Variants in SPTBN1 observed in about 807,000 individuals in gnomAD.
SPTBN1 encodes spectrin beta chain, non-erythrocytic 1.
A neutral mutation model predicts 266.4 loss-of-function variants in SPTBN1; 32 were observed. The ratio of observed to expected loss-of-function variants is 0.12; its 90% CI spans 0.09 to 0.16. The LOEUF (loss-of-function observed/expected upper bound fraction) is 0.16, where lower values mean the gene tolerates loss of function less well. Among genes scored for constraint, SPTBN1 ranks in the 10% least tolerant of loss-of-function variants. The pLI is 1.00. For synonymous variants in SPTBN1, 1,336 were observed against 1,162.2 expected, an observed-to-expected ratio of 1.15 and a Z score of -3.04; for missense variants, 2,296 against 3,067.1, an observed-to-expected ratio of 0.75 and a Z score of 5.94.
chr2:54,635,391 C>A (rs1309639012), intron 17 of SPTBN1, among the ~76,000 whole-genome samples: 1 of 152,204 alleles, frequency 6.6e-6, no homozygotes. Context: ...TCACACCACA[C>A]GAAGGCCGTT....
intron 2 of SPTBN1, among the ~76,000 whole-genome samples, chr2:54,569,975 C>CT (rs932432942): frequency 6.8e-6 from 1 of 147,904 alleles, no homozygotes; most frequent in Non-Finnish European, 1.5e-5. Context: ...AACCATTCCC[C>CT]CCCCCCTTTA....
chr2:54,580,580 T>C (rs1020417504), intron 2 of SPTBN1, among the ~76,000 whole-genome samples: 5 of 150,580 alleles, frequency 3.3e-5, no homozygotes, highest in African/African-American at 1.2e-4. Context: ...CCAAGTGTAT[T>C]CATATTCTCA....
At chr2:54,613,355 A>C (rs1004673502) in intron 4 of SPTBN1, among the ~76,000 whole-genome samples, 1 of 152,262 alleles carries the variant, frequency 6.6e-6, no homozygotes. Context: ...AAAAAGGAAA[A>C]ACGAAAAATC....
chr2:54,508,782 G>A (rs1669710163), intron 1 of SPTBN1, among the ~76,000 whole-genome samples: 1 of 152,226 alleles, frequency 6.6e-6, no homozygotes, highest in Admixed American at 6.5e-5. Context: ...CATAGGCGTT[G>A]TCCAGAGCAA....
rs1679922840 is a variant in SPTBN1, at chr2:54,646,332, G to A, written c.4723G>A (p.Gly1575Ser). 1 of 1,614,042 alleles carries A rather than the reference G, an allele frequency of 6.2e-7. No individual in the cohort carries two copies. Among genetic ancestry groups the A allele is most frequent in the Admixed American group, 1.7e-5 (1 of 60,006 alleles). The change falls in exon 23 of 36, where the codon GGT becomes AGT. Residue 1575 changes from glycine (G) to serine (S), a missense_variant. Around this residue, in one of 12 missense-constraint regions of SPTBN1, gnomAD observed 644 missense variants for 745.3 expected, o/e 0.86. Coordinates refer to ENST00000356805, the MANE Select transcript of SPTBN1 (RefSeq NM_003128.3). The surrounding 1 kb of genome is among the most constrained non-coding windows in gnomAD (Gnocchi z 4.4). The part of the protein sequence containing the change: ...QRLADLKQLW[G>S]LLIEETEKRH... ...GCTTGCCGACCTGAAGCAGCTGTGGGGTCTCCTCATTGAGGAGACAGAGAA... is the reference window on the plus strand; with the variant it reads ...GCTTGCCGACCTGAAGCAGCTGTGGAGTCTCCTCATTGAGGAGACAGAGAA...
chr2:54,545,273 A>G (rs1372134986), intron 2 of SPTBN1: 4 of 152,194 alleles, frequency 2.6e-5, no homozygotes, highest in Non-Finnish European at 5.9e-5. Flanking sequence ...ATGATGTATA[A>G]TCCTTTGAGT....
intron 1 of SPTBN1, among the ~76,000 whole-genome samples, chr2:54,489,235 C>T (rs968426037): frequency 4.7e-5 from 7 of 148,244 alleles, no homozygotes; most frequent in Non-Finnish European, 7.4e-5. Context: ...GCAGGAGGAT[C>T]ACTTGAGCCC....
intron 2 of SPTBN1, among the ~76,000 whole-genome samples, chr2:54,580,365 G>C (rs1418644159): frequency 6.6e-6 from 1 of 152,186 alleles, no homozygotes; most frequent in Admixed American, 6.5e-5. Context: ...GTAATATTTA[G>C]AGGCTTCTGC....
Position 54,668,666 on chromosome 2 carries a change from C to A in SPTBN1, c.*97C>A. The stretch of plus-strand genomic sequence containing the variant: ...CACATTACTCTCTGTGCCTAATGTT[C>A]CTCAATGTGGTTGATTTTTTTTTTT... On this transcript the variant is annotated 3_prime_UTR_variant, in exon 36 of 36. Transcript: ENST00000356805. 5 of 1,168,246 alleles carry A rather than the reference C, an allele frequency of 4.3e-6. No homozygotes were observed. The highest frequency in any genetic ancestry group is 1.2e-6 in the Non-Finnish European group (1 of 837,224). 72.4% of individuals were successfully genotyped at this position (1,168,246 alleles called of 1,614,324 possible).
At chr2:54,543,412 T>C (rs1374954283) in intron 2 of SPTBN1, among the ~76,000 whole-genome samples, 1 of 152,140 alleles carries the variant, frequency 6.6e-6, no homozygotes, top group Non-Finnish European at 1.5e-5. Context: ...TGAGAAATAT[T>C]GCATTCATGC....
At chr2:54,457,112 C>A (rs1355513268) in intron 1 of SPTBN1, 4 of 151,626 alleles carry the variant, frequency 2.6e-5, no homozygotes, top group South Asian at 4.2e-4. Context: ...CCCGCGCCCC[C>A]ACCTCCGCCC....
rs924317968 is a variant in SPTBN1 at position 54,664,373 on chromosome 2, C to G, written c.6421-80C>G. 1 of 1,413,646 alleles carries G rather than the reference C, an allele frequency of 7.1e-7. No individual in the cohort carries two copies. Among genetic ancestry groups the G allele is most frequent in the Non-Finnish European group, 9.8e-7 (1 of 1,021,976 alleles). The allele number at this position is 1,413,646 out of a possible 1,614,324, so 87.6% of individuals were successfully genotyped here. ...TGTGCCAGGCATTTATACACAGCCACATGTGCGAGTCAGGTAGAGCGTATG... is the reference window on the plus strand; with the variant it reads ...TGTGCCAGGCATTTATACACAGCCAGATGTGCGAGTCAGGTAGAGCGTATG... On this transcript the variant is annotated intron_variant, in intron 32 of 35. Coordinates refer to ENST00000356805, the MANE Select transcript of SPTBN1 (RefSeq NM_003128.3). This position sits in a 1 kb window ranked among gnomAD's most constrained non-coding sequence, Gnocchi z 5.6.
intron 1 of SPTBN1, among the ~76,000 whole-genome samples, chr2:54,502,444 A>T (rs760943042): frequency 6.6e-6 from 1 of 152,098 alleles, no homozygotes; most frequent in African/African-American, 2.4e-5. Context: ...TGCTCCTGAC[A>T]TAATTGTCTA....
chr2:54,597,715 A>T lies in SPTBN1; in HGVS notation c.149-1377A>T, dbSNP rs115529573. Among the ~76,000 whole-genome samples, 464 of 152,274 alleles carry T rather than the reference A, an allele frequency of 3.0e-3. 1 individual carries two copies. Among genetic ancestry groups the T allele is most frequent in the Non-Finnish European group, 5.5e-3 (371 of 68,004 alleles). The stretch of plus-strand genomic sequence containing the variant: ...GCAAAGCCTTCAGACAGACCTTCCC[A>T]GGGTGTTGGGCTGTTTGCTGTCCTT... On this transcript the variant is annotated intron_variant, in intron 2 of 35. Transcript: ENST00000356805.
intron 1 of SPTBN1, among the ~76,000 whole-genome samples, chr2:54,471,879 A>T (rs945892818): frequency 6.9e-6 from 1 of 144,532 alleles, no homozygotes; most frequent in African/African-American, 2.7e-5. Flanking sequence ...ATTCTCTGTA[A>T]CATCTTATGT....
intron 24 of SPTBN1, among the ~76,000 whole-genome samples, chr2:54,648,018 C>G (rs1233254022): frequency 2.6e-5 from 4 of 152,138 alleles, no homozygotes; most frequent in African/African-American, 9.7e-5. Flanking sequence ...CCAGGAAGAA[C>G]AAAGTGATAA....
At chr2:54,461,252 C>G (rs958994302) in intron 1 of SPTBN1, among the ~76,000 whole-genome samples, 2 of 152,318 alleles carry the variant, frequency 1.3e-5, no homozygotes, top group African/African-American at 4.8e-5. Context: ...GATTAAGATT[C>G]TATTCCCAAG....
At chr2:54,481,717 A>C (rs1668114978) in intron 1 of SPTBN1, among the ~76,000 whole-genome samples, 1 of 152,178 alleles carries the variant, frequency 6.6e-6, no homozygotes, top group South Asian at 2.1e-4. Context: ...AAAAATGCAT[A>C]GTGGTAAGAG....
At chr2:54,529,852 CAAAAAAAAAAAAAAA>C (rs61316795) in intron 2 of SPTBN1, 1,319 of 62,156 alleles carry the variant, frequency 0.021, 13 homozygotes, top group Middle Eastern at 0.12. Flanking sequence ...CTCTTTTCAC[CAAAAAAAAAAAAAAA>C]AAAAAAAAAA....
Sources: allele counts gnomAD v4.1 joint callset (sites outside exome capture counted in the v4.1 genomes callset), GRCh38; gene constraint gnomAD v4.1.1; regional missense constraint gnomAD v4.1.1; non-coding constraint Gnocchi (gnomAD v3.1); transcripts MANE v1.5; gene names NCBI Gene and HGNC (gene_info 2026-07-23, HGNC 2026-07-21).